Variants in NSD2 observed in about 807,000 individuals in gnomAD.
The protein encoded by NSD2 is nuclear receptor binding SET domain protein 2.
In NSD2, 12 loss-of-function variants were observed where a neutral mutation model predicts 139.0. That is an observed-to-expected ratio of 0.09 (90% CI 0.06 to 0.14). The LOEUF (loss-of-function observed/expected upper bound fraction) is 0.14, where lower values mean the gene tolerates loss of function less well. Ranked by LOEUF, NSD2 falls within the 10% of genes least tolerant of loss-of-function variation. The pLI, the probability that NSD2 is intolerant of heterozygous loss-of-function variation, is 1.00. For missense variants in NSD2, 1,155 were observed against 1,745.0 expected, an observed-to-expected ratio of 0.66 and a Z score of 6.02; for synonymous variants, 669 against 648.7, an observed-to-expected ratio of 1.03 and a Z score of -0.48.
chr4:1,910,696 G>A (rs1371357163), intron 3 of NSD2, among the ~76,000 whole-genome samples: 1 of 152,188 alleles, frequency 6.6e-6, no homozygotes, highest in African/African-American at 2.4e-5. Context: ...TGTGCTGTTT[G>A]ATGGTATTAT....
rs953352292 is a variant in NSD2 at position 1,952,767 on chromosome 4, G to T, written c.2137+536G>T. 4.5e-6 allele frequency: 5 copies of T among 1,117,096 alleles called. No individual in the cohort carries two copies. In the Admixed American group the frequency reaches 1.4e-4, roughly 31 times the overall value. The allele number at this position is 1,117,096 out of a possible 1,614,324, so 69.2% of individuals were successfully genotyped here. A position where few individuals can be genotyped will look rare whatever the true frequency, so the allele number is the denominator to read the frequency against. ...ACTGCATCAGGTGTCGCCCGGCACA[G>T]TCTGGGGTCTGTGAGGATGATGAGA... On this transcript the variant is annotated intron_variant, in intron 11 of 21. Coordinates refer to ENST00000508803, the MANE Select transcript of NSD2 (RefSeq NM_001042424.3).
chr4:1,891,141 G>C (rs1005762779), intron 1 of NSD2, among the ~76,000 whole-genome samples: 4 of 152,132 alleles, frequency 2.6e-5, no homozygotes, highest in Non-Finnish European at 5.9e-5. Flanking sequence ...CAATCCTTCT[G>C]CCTTGGCCTC....
At chr4:1,889,071 T>C (rs1715336213) in intron 1 of NSD2, among the ~76,000 whole-genome samples, 1 of 151,884 alleles carries the variant, frequency 6.6e-6, no homozygotes. Context: ...CTAATTTTTG[T>C]ATTTTTAGTA....
chr4:1,921,234 G>C (rs1256955236), intron 5 of NSD2, among the ~76,000 whole-genome samples: 1 of 152,146 alleles, frequency 6.6e-6, no homozygotes, highest in Non-Finnish European at 1.5e-5. Context: ...GAGGCGGGTA[G>C]ATCACTTGAG....
chr4:1,938,801 A>C (rs1722766606), intron 8 of NSD2, among the ~76,000 whole-genome samples: 1 of 152,190 alleles, frequency 6.6e-6, no homozygotes, highest in Non-Finnish European at 1.5e-5. Context: ...TTTGCAATTT[A>C]AAATTTTACT....
chr4:1,945,053 G>A (rs769541514), intron 9 of NSD2: 12 of 1,065,404 alleles, frequency 1.1e-5, no homozygotes, highest in Non-Finnish European at 1.1e-5. Flanking sequence ...GACAGGAGTC[G>A]GGGGCTCCTC....
chr4:1,944,611 T>C (rs1241361438), intron 9 of NSD2: 6 of 1,063,460 alleles, frequency 5.6e-6, no homozygotes, highest in Non-Finnish European at 5.7e-6. Flanking sequence ...AAGCTTAGAT[T>C]GTAGCTGTTC....
intron 3 of NSD2, among the ~76,000 whole-genome samples, chr4:1,906,662 T>TC (rs1217564109): frequency 5.5e-4 from 79 of 142,836 alleles, no homozygotes; most frequent in African/African-American, 2.0e-3. Flanking sequence ...CTCTTTTTTT[T>TC]TTTTTTTTTT....
chr4:1,879,824 T>G (rs1214861445), intron 1 of NSD2, among the ~76,000 whole-genome samples: 14 of 144,068 alleles, frequency 9.7e-5, no homozygotes, highest in Non-Finnish European at 1.7e-4. Flanking sequence ...CCCATGGCAC[T>G]TGTGTGTGTG....
At chr4:1,944,171 C>T (rs940602868) in intron 9 of NSD2, 6 of 1,066,208 alleles carry the variant, frequency 5.6e-6, no homozygotes, top group Non-Finnish European at 6.8e-6. Context: ...GAGGGACAGT[C>T]CCATGTGTGG....
intron 1 of NSD2, among the ~76,000 whole-genome samples, chr4:1,872,151 T>TC (rs1308073934): frequency 6.6e-6 from 1 of 151,270 alleles, no homozygotes; most frequent in Non-Finnish European, 1.5e-5. Flanking sequence ...GCGCGGACGC[T>TC]CCCCCGGGAA....
intron 3 of NSD2, among the ~76,000 whole-genome samples, chr4:1,904,772 C>A (rs1475898732): frequency 1.3e-5 from 2 of 152,178 alleles, no homozygotes; most frequent in Non-Finnish European, 2.9e-5. Flanking sequence ...TGGAAGTGAT[C>A]ATCTTTGTCT....
chr4:1,925,542 G>A (rs1720782397), intron 5 of NSD2, among the ~76,000 whole-genome samples: 1 of 150,304 alleles, frequency 6.7e-6, no homozygotes, highest in Non-Finnish European at 1.5e-5. Context: ...GAGACCACAG[G>A]CACATGCCAC....
At chr4:1,963,225 G>A (rs1220884350) in intron 18 of NSD2, among the ~76,000 whole-genome samples, 2 of 152,194 alleles carry the variant, frequency 1.3e-5, no homozygotes, top group Non-Finnish European at 2.9e-5. Context: ...GCGAGAGTGG[G>A]TTTGTACACA....
intron 18 of NSD2, among the ~76,000 whole-genome samples, chr4:1,970,357 C>T (rs1230581929): frequency 2.6e-5 from 4 of 152,228 alleles, no homozygotes; most frequent in Admixed American, 2.6e-4. Context: ...AGGCATGTGG[C>T]TCTCTGGGTG....
chr4:1,958,485 C>T lies in NSD2; in HGVS notation c.2985+449C>T, dbSNP rs1384730645. 3.9e-5 allele frequency among the ~76,000 whole-genome samples: 6 copies of T among 152,204 alleles called. No homozygotes were observed. The highest frequency in any genetic ancestry group is 3.3e-4 in the Admixed American group (5 of 15,288). On this transcript the variant is annotated intron_variant, in intron 16 of 21. Transcript: ENST00000508803. The surrounding 1 kb of genome is among the most constrained non-coding windows in gnomAD (Gnocchi z 4.6). ...AGTTCTGTGTTTATTCCAGTGAGCT[C>T]GAGAGCCCCAGCAGGAGGAAGTGCA...
intron 2 of NSD2, among the ~76,000 whole-genome samples, chr4:1,903,060 A>G (rs1577395787): frequency 6.6e-6 from 1 of 152,160 alleles, no homozygotes; most frequent in African/African-American, 2.4e-5. Flanking sequence ...GGTCCCAGCT[A>G]CTAGGGAGGC....
chr4:1,977,031 G>T (rs1185901070), intron 21 of NSD2, among the ~76,000 whole-genome samples: 1 of 152,248 alleles, frequency 6.6e-6, no homozygotes, highest in Admixed American at 6.5e-5. Flanking sequence ...CCCCTCCTAG[G>T]AGAAAGGCCT....
At chr4:1,935,321 C>A in intron 7 of NSD2, 59 bp downstream of exon 7, 1 of 1,321,612 alleles carries the variant, frequency 7.6e-7, no homozygotes, top group Non-Finnish European at 1.1e-6. Flanking sequence ...ACTCTTGGTG[C>A]CACTGTTTCC....
Sources: gnomAD v4.1 joint callset for allele counts (sites outside exome capture counted in the v4.1 genomes callset) on GRCh38, gnomAD v4.1.1 for gene constraint, Gnocchi (gnomAD v3.1) non-coding constraint, MANE v1.5 for transcripts, NCBI Gene and HGNC (gene_info 2026-07-23, HGNC 2026-07-21) for gene names.